DOK6: variants seen among roughly 807,000 people sequenced by gnomAD.
The protein encoded by DOK6 is docking protein 6, also known as downstream of tyrosine kinase 6.
DOK6 carries 22 observed loss-of-function variants against 44.0 expected under a neutral mutation model. The observed-to-expected ratio is 0.50, with a 90% confidence interval of 0.36 to 0.71. The LOEUF (loss-of-function observed/expected upper bound fraction) is 0.71. Ranked by LOEUF, DOK6 falls within the 30% of genes least tolerant of loss-of-function variation. The pLI is 0.00. For missense variants in DOK6, 340 were observed against 416.4 expected, an observed-to-expected ratio of 0.82 and a Z score of 1.60; for synonymous variants, 166 against 145.5, an observed-to-expected ratio of 1.14 and a Z score of -1.01.
chr18:69,750,234 G>T (rs945556497), intron 6 of DOK6, among the ~76,000 whole-genome samples: 1 of 151,814 alleles, frequency 6.6e-6, no homozygotes, highest in African/African-American at 2.4e-5. Context: ...ATTTGGAAGG[G>T]TAGGGGCTAG....
intron 5 of DOK6, among the ~76,000 whole-genome samples, chr18:69,728,359 C>A (rs139462554): frequency 1.1e-4 from 16 of 152,306 alleles, no homozygotes; most frequent in African/African-American, 3.9e-4. Flanking sequence ...CCAGATGGAA[C>A]AAGGTTGCCT....
At chr18:69,736,141 A>G (rs948166090) in intron 5 of DOK6, among the ~76,000 whole-genome samples, 4 of 152,190 alleles carry the variant, frequency 2.6e-5, no homozygotes, top group African/African-American at 9.7e-5. Context: ...GCAATAGGCC[A>G]TATATATTTT....
At chr18:69,504,975 A>T (rs752848583) in intron 1 of DOK6, among the ~76,000 whole-genome samples, 3 of 152,138 alleles carry the variant, frequency 2.0e-5, no homozygotes, top group Non-Finnish European at 4.4e-5. Flanking sequence ...ACTTATATAT[A>T]GTTCCCTCTG....
intron 2 of DOK6, among the ~76,000 whole-genome samples, chr18:69,571,140 G>A (rs1006302117): frequency 6.6e-6 from 1 of 151,878 alleles, no homozygotes; most frequent in African/African-American, 2.4e-5. Context: ...AGATTTTCAT[G>A]GCTTACATAA....
intron 1 of DOK6, among the ~76,000 whole-genome samples, chr18:69,515,871 T>C (rs918335540): frequency 1.4e-5 from 2 of 148,124 alleles, no homozygotes; most frequent in African/African-American, 4.9e-5. Context: ...GGAGGATGTT[T>C]CAGCATTTTC....
At chr18:69,532,754 C>T (rs980913578) in intron 1 of DOK6, 1 of 152,204 alleles carries the variant, frequency 6.6e-6, no homozygotes, top group African/African-American at 2.4e-5. Flanking sequence ...CCCAGCTCCT[C>T]AGGAGGGTAG....
intron 7 of DOK6, among the ~76,000 whole-genome samples, chr18:69,812,890 C>A (rs1185445818): frequency 6.6e-6 from 1 of 152,042 alleles, no homozygotes; most frequent in Non-Finnish European, 1.5e-5. Flanking sequence ...GGGGAGAATG[C>A]CCCCACGATT....
intron 1 of DOK6, among the ~76,000 whole-genome samples, chr18:69,543,618 G>A (rs572013272): frequency 5.9e-5 from 9 of 151,504 alleles, no homozygotes; most frequent in African/African-American, 2.2e-4. Flanking sequence ...AGTGTATAAT[G>A]TATGAGGGAG....
At chr18:69,527,042 T>G (rs1175641806) in intron 1 of DOK6, among the ~76,000 whole-genome samples, 2 of 152,200 alleles carry the variant, frequency 1.3e-5, no homozygotes, top group African/African-American at 4.8e-5. Context: ...ACCCATTGCT[T>G]GTTTAATCCC....
intron 3 of DOK6, among the ~76,000 whole-genome samples, chr18:69,622,226 G>T (rs7230078): frequency 0.93 from 141,728 of 152,236 alleles, 66,374 homozygotes; most frequent in East Asian, 0.99. Flanking sequence ...TGCCTTATCT[G>T]TATTACTTTC....
chr18:69,481,216 AT>A (rs149209252), intron 1 of DOK6, among the ~76,000 whole-genome samples: 1 of 151,470 alleles, frequency 6.6e-6, no homozygotes, highest in East Asian at 1.9e-4. Context: ...TGTGATGGGG[AT>A]TTTTTTTATA....
chr18:69,556,293 A>G (rs1429504837), intron 1 of DOK6, among the ~76,000 whole-genome samples: 3 of 151,918 alleles, frequency 2.0e-5, no homozygotes, highest in Non-Finnish European at 4.4e-5. Flanking sequence ...ACATCAGGGT[A>G]TTTACCTGTG....
intron 1 of DOK6, among the ~76,000 whole-genome samples, chr18:69,434,123 A>T (rs1599128953): frequency 1.3e-5 from 2 of 152,306 alleles, no homozygotes; most frequent in East Asian, 3.9e-4. Flanking sequence ...TTTGGTGTGA[A>T]AGCAATGAAA....
chr18:69,616,436 CTAA>C (rs1408875836), intron 3 of DOK6, among the ~76,000 whole-genome samples: 3 of 28,896 alleles, frequency 1.0e-4, no homozygotes, highest in Non-Finnish European at 2.5e-4. Context: ...CAGATTTTTC[CTAA>C]GGTCAACCAA....
intron 6 of DOK6, among the ~76,000 whole-genome samples, chr18:69,753,602 G>A (rs1979256000): frequency 6.6e-6 from 1 of 152,194 alleles, no homozygotes; most frequent in South Asian, 2.1e-4. Context: ...AGAATAGAAG[G>A]AAGAGAGAGT....
chr18:69,798,902 A>G (rs1315371228), intron 7 of DOK6, among the ~76,000 whole-genome samples: 2 of 152,018 alleles, frequency 1.3e-5, no homozygotes, highest in Non-Finnish European at 2.9e-5. Context: ...GATGAGACCA[A>G]CTTCATTGGA....
At chr18:69,521,840 T>C (rs948148904) in intron 1 of DOK6, among the ~76,000 whole-genome samples, 2 of 152,000 alleles carry the variant, frequency 1.3e-5, no homozygotes, top group Admixed American at 6.6e-5. Context: ...ATATGCTAAT[T>C]ATCTTGATTT....
chr18:69,514,932 A>G (rs1325467468), intron 1 of DOK6, among the ~76,000 whole-genome samples: 2 of 151,758 alleles, frequency 1.3e-5, no homozygotes, highest in Non-Finnish European at 2.9e-5. Flanking sequence ...ATAGCCTCAG[A>G]CTGATTAGAG....
rs1982317307 is a variant in DOK6 at position 69,845,062 on chromosome 18, C to G, written c.*3679C>G. ...CACATGATAAAAATTGATGTGTGCC[C>G]CTCCTTGTTTGGCCAGTATCACAGA... On this transcript the variant is annotated 3_prime_UTR_variant, in exon 8 of 8. Coordinates refer to ENST00000382713, the MANE Select transcript of DOK6 (RefSeq NM_152721.6). The G allele has an allele frequency of 6.6e-6, 1 of 152,104 alleles. No individual in the cohort carries two copies. Among genetic ancestry groups the G allele is most frequent in the Non-Finnish European group, 1.5e-5 (1 of 68,024 alleles). 9.4% of individuals were successfully genotyped at this position (152,104 alleles called of 1,614,324 possible).
Sources: gnomAD v4.1 joint callset for allele counts (sites outside exome capture counted in the v4.1 genomes callset) on GRCh38, gnomAD v4.1.1 for gene constraint, MANE v1.5 for transcripts, NCBI Gene and HGNC (gene_info 2026-07-23, HGNC 2026-07-21) for gene names.